ST7: variants seen among roughly 807,000 people sequenced by gnomAD.
The protein encoded by ST7 is suppressor of tumorigenicity 7 protein.
A neutral mutation model predicts 78.7 loss-of-function variants in ST7; 28 were observed. The ratio of observed to expected loss-of-function variants is 0.36; its 90% CI spans 0.26 to 0.49. The LOEUF is 0.49. Ranked by LOEUF, ST7 falls within the 20% of genes least tolerant of loss-of-function variation. ST7 has a pLI of 0.99. For synonymous variants in ST7, 247 were observed against 249.6 expected (o/e 0.99, Z 0.10); for missense variants, 418 against 696.0 (o/e 0.60, Z 4.49).
intron 10 of ST7, among the ~76,000 whole-genome samples, chr7:117,180,881 G>A (rs1808705576): frequency 6.6e-6 from 1 of 151,964 alleles, no homozygotes; most frequent in Non-Finnish European, 1.5e-5. Flanking sequence ...TGAATTCCTG[G>A]GCTCAAGTGA....
chr7:117,047,674 G>T (rs899284742), intron 1 of ST7, among the ~76,000 whole-genome samples: 2 of 152,156 alleles, frequency 1.3e-5, no homozygotes, highest in Admixed American at 6.5e-5. Context: ...GACATTTGAG[G>T]CTAGGTTAGC....
At chr7:117,023,097 G>A (rs1796010643) in intron 1 of ST7, 1 of 152,132 alleles carries the variant, frequency 6.6e-6, no homozygotes, top group Non-Finnish European at 1.5e-5. Flanking sequence ...TGTAAGAGAA[G>A]GAAATGTCTT....
chr7:117,211,396 A>G (rs1792278190), intron 13 of ST7, among the ~76,000 whole-genome samples: 2 of 152,164 alleles, frequency 1.3e-5, no homozygotes, highest in Non-Finnish European at 2.9e-5. Context: ...TTCCTGTTGT[A>G]TGTAAGATGT....
At chr7:117,066,079 C>G (rs1410083897) in intron 1 of ST7, among the ~76,000 whole-genome samples, 1 of 152,246 alleles carries the variant, frequency 6.6e-6, no homozygotes, top group African/African-American at 2.4e-5. Flanking sequence ...CATTCTCCTA[C>G]TTCCTAAACT....
intron 13 of ST7, among the ~76,000 whole-genome samples, chr7:117,218,662 G>T (rs1036054247): frequency 1.3e-5 from 2 of 152,092 alleles, no homozygotes; most frequent in African/African-American, 2.4e-5. Context: ...TTTCATATTT[G>T]TACATCTATA....
chr7:117,074,481 A>T (rs1799203627), intron 1 of ST7, among the ~76,000 whole-genome samples: 1 of 152,170 alleles, frequency 6.6e-6, no homozygotes, highest in Non-Finnish European at 1.5e-5. Flanking sequence ...AGGAAAAGTA[A>T]ATCACACCGA....
intron 1 of ST7, among the ~76,000 whole-genome samples, chr7:117,040,940 AC>A (rs1349083161): frequency 1.3e-5 from 2 of 152,036 alleles, no homozygotes; most frequent in Non-Finnish European, 2.9e-5. Flanking sequence ...CTTATTATTC[AC>A]CTTTTTGCCT....
intron 1 of ST7, among the ~76,000 whole-genome samples, chr7:117,016,366 G>T (rs980699680): frequency 6.6e-6 from 1 of 152,124 alleles, no homozygotes; most frequent in Non-Finnish European, 1.5e-5. Flanking sequence ...AATCAAATTT[G>T]TAAAATCCTA....
chr7:116,979,564 T>C lies in ST7; in HGVS notation c.151+25873T>C, dbSNP rs192967981. 1.4e-4 allele frequency among the ~76,000 whole-genome samples: 22 copies of C among 152,338 alleles called. 1 individual carries two copies. In the East Asian group the frequency reaches 4.0e-3, roughly 28 times the overall value. ...AAGGCTCTTAATAGTCTTCATCTTT[T>C]CTTTCCTTTATATACGTTAAGTTAC... On this transcript the variant is annotated intron_variant, in intron 1 of 15. Coordinates refer to ENST00000323984, the MANE Select transcript of ST7 (RefSeq NM_001369598.1).
intron 8 of ST7, among the ~76,000 whole-genome samples, chr7:117,137,754 C>T (rs1804912205): frequency 6.6e-6 from 1 of 151,998 alleles, no homozygotes; most frequent in African/African-American, 2.4e-5. Flanking sequence ...TCTCATTGGT[C>T]TGAAAACATA....
chr7:117,206,176 G>C (rs1791734638), intron 12 of ST7, among the ~76,000 whole-genome samples: 1 of 152,200 alleles, frequency 6.6e-6, no homozygotes, highest in South Asian at 2.1e-4. Context: ...CTCTTTTATA[G>C]TCATAGCCGA....
intron 13 of ST7, among the ~76,000 whole-genome samples, 153 bp downstream of exon 13, chr7:117,210,090 C>G (rs1792159930): frequency 6.6e-6 from 1 of 152,212 alleles, no homozygotes; most frequent in Non-Finnish European, 1.5e-5. Context: ...CTTAGGTTCT[C>G]CCATCCCCCG....
At chr7:117,198,761 C>A (rs1229683351) in intron 12 of ST7, among the ~76,000 whole-genome samples, 2 of 152,036 alleles carry the variant, frequency 1.3e-5, no homozygotes, top group African/African-American at 4.8e-5. Context: ...GAAAGCCTGT[C>A]CTAGGCATGC....
chr7:117,081,668 T>G (rs1799789268), intron 1 of ST7, among the ~76,000 whole-genome samples: 1 of 152,200 alleles, frequency 6.6e-6, no homozygotes, highest in Admixed American at 6.5e-5. Flanking sequence ...TTTGCCAGAG[T>G]GAATGAGGAA....
intron 9 of ST7, among the ~76,000 whole-genome samples, chr7:117,141,607 A>G (rs2117092345): frequency 6.6e-6 from 1 of 152,296 alleles, no homozygotes; most frequent in South Asian, 2.1e-4. Flanking sequence ...CTGAAGGAAT[A>G]TTTTGGCAGT....
intron 8 of ST7, among the ~76,000 whole-genome samples, chr7:117,138,189 G>A (rs954803780): frequency 3.9e-5 from 6 of 152,058 alleles, no homozygotes; most frequent in East Asian, 1.9e-4. Context: ...GTTCATTTTC[G>A]CAGCACTTTG....
Position 117,169,005 on chromosome 7 carries a change from AAT to A in ST7, c.964-1852_964-1851del, listed in dbSNP as rs375830719. Among the ~76,000 whole-genome samples, 530 of 152,290 alleles carry A rather than the reference AAT, an allele frequency of 3.5e-3. 5 individuals carry two copies. Among genetic ancestry groups the A allele is most frequent in the African/African-American group, 0.012 (509 of 41,556 alleles). On this transcript the variant is annotated intron_variant, in intron 9 of 15. Transcript: ENST00000323984. The stretch of plus-strand genomic sequence containing the variant: ...TTATCCAGGTAGAGGATTAGAGGAG[AAT>A]ATATCTGTGATTCTGCTCTATAAAG...
At chr7:117,216,786 A>T (rs1187726154) in intron 13 of ST7, among the ~76,000 whole-genome samples, 1 of 148,794 alleles carries the variant, frequency 6.7e-6, no homozygotes, top group African/African-American at 2.5e-5. Context: ...TTTGAGCTCA[A>T]TGCAAATGGC....
rs374893162 is a variant in ST7, at chr7:116,987,174, A to G, written c.151+33483A>G. Reference sequence around the variant, plus strand: ...ATTATTTGAAGACTCTCTCTTCTTCATTATTCTCAGTCACCCCAAAGAAGA... The same window carrying G: ...ATTATTTGAAGACTCTCTCTTCTTCGTTATTCTCAGTCACCCCAAAGAAGA... On this transcript the variant is annotated intron_variant, in intron 1 of 15. Coordinates refer to ENST00000323984, the MANE Select transcript of ST7 (RefSeq NM_001369598.1). Among the ~76,000 whole-genome samples the G allele has an allele frequency of 2.4e-4, 36 of 152,336 alleles. No homozygotes were observed. The East Asian group carries it at 6.6e-3, about 28-fold the overall frequency.
Sources: gnomAD v4.1 joint callset for allele counts (sites outside exome capture counted in the v4.1 genomes callset) on GRCh38, gnomAD v4.1.1 for gene constraint, MANE v1.5 for transcripts, NCBI Gene and HGNC (gene_info 2026-07-23, HGNC 2026-07-21) for gene names.